Variants in NCOA6 observed in about 807,000 individuals in gnomAD.
The protein encoded by NCOA6 is NRC RAP250.
In NCOA6, 49 loss-of-function variants were observed where a neutral mutation model predicts 171.4. The observed-to-expected ratio is 0.29, with a 90% CI of 0.23 to 0.36. The LOEUF (loss-of-function observed/expected upper bound fraction) is 0.36, where lower values mean the gene tolerates loss of function less well. Ranked by LOEUF, NCOA6 falls within the 10% of genes least tolerant of loss-of-function variation. NCOA6 has a pLI of 1.00. For synonymous variants in NCOA6, 910 were observed against 927.5 expected (o/e 0.98, Z 0.34); for missense variants, 2,248 against 2,554.5 (o/e 0.88, Z 2.59).
intron 11 of NCOA6, among the ~76,000 whole-genome samples, chr20:34,737,780 C>CT (rs1176433855): frequency 6.6e-6 from 1 of 152,210 alleles, no homozygotes; most frequent in Non-Finnish European, 1.5e-5. Context: ...TCCCTCCCTG[C>CT]TTAGCAAAGC....
chr20:34,715,580 A>C (rs1417288813), intron 14 of NCOA6, among the ~76,000 whole-genome samples: 1 of 152,202 alleles, frequency 6.6e-6, no homozygotes. Flanking sequence ...GGAATGTGAC[A>C]GAGGTGGTGG....
chr20:34,792,776 A>ATTTTTTTTTTTT (rs35924752), intron 1 of NCOA6, among the ~76,000 whole-genome samples: 3 of 112,316 alleles, frequency 2.7e-5, no homozygotes, highest in Non-Finnish European at 3.5e-5. Context: ...ATCTTTTCTG[A>ATTTTTTTTTTTT]TTTTTTTTTT....
chr20:34,727,945 A>C (rs1478295683), intron 13 of NCOA6, among the ~76,000 whole-genome samples: 2 of 151,958 alleles, frequency 1.3e-5, no homozygotes, highest in Non-Finnish European at 2.9e-5. Context: ...GGATGGTCTT[A>C]AACTCCTGAC....
intron 4 of NCOA6, among the ~76,000 whole-genome samples, chr20:34,772,280 C>T (rs2077173134): frequency 6.6e-6 from 1 of 151,222 alleles, no homozygotes; most frequent in Admixed American, 6.6e-5. Flanking sequence ...TACCACTGCC[C>T]TCCAACCTAG....
chr20:34,722,329 C>G (rs1989474150), intron 14 of NCOA6, among the ~76,000 whole-genome samples: 1 of 151,054 alleles, frequency 6.6e-6, no homozygotes, highest in Non-Finnish European at 1.5e-5. Flanking sequence ...TGCAACGAGC[C>G]AAGATCACAC....
chr20:34,751,372 G>A (rs1440954676), intron 8 of NCOA6, among the ~76,000 whole-genome samples: 4 of 22,162 alleles, frequency 1.8e-4, no homozygotes, highest in South Asian at 7.2e-4. Context: ...GCAAGACTCC[G>A]TCTCAAAAAA....
At chr20:34,817,117 C>T (rs1304304351) in intron 1 of NCOA6, among the ~76,000 whole-genome samples, 1 of 109,264 alleles carries the variant, frequency 9.2e-6, no homozygotes, top group Non-Finnish European at 2.2e-5. Flanking sequence ...AGTGAGACTC[C>T]ATCACACACA....
intron 1 of NCOA6, among the ~76,000 whole-genome samples, chr20:34,802,971 C>T (rs953478893): frequency 3.3e-5 from 5 of 151,746 alleles, no homozygotes; most frequent in Non-Finnish European, 7.4e-5. Context: ...CCACCATGCC[C>T]GGCTAATTTT....
chr20:34,788,344 G>A (rs1311982089), intron 2 of NCOA6, among the ~76,000 whole-genome samples: 1 of 152,086 alleles, frequency 6.6e-6, no homozygotes, highest in Admixed American at 6.5e-5. Flanking sequence ...GATTACAGGC[G>A]TGAGCCATCG....
At chr20:34,748,927 T>C (rs756633487) in intron 9 of NCOA6, among the ~76,000 whole-genome samples, 1 of 152,196 alleles carries the variant, frequency 6.6e-6, no homozygotes, top group Non-Finnish European at 1.5e-5. Context: ...GGAGTTGCCA[T>C]ATGGTAGCAC....
At chr20:34,764,112 G>A (rs1305957637) in intron 5 of NCOA6, among the ~76,000 whole-genome samples, 4 of 146,818 alleles carry the variant, frequency 2.7e-5, no homozygotes, top group Admixed American at 6.9e-5. Flanking sequence ...TTTTGAGAGG[G>A]AGTCTTGCTA....
chr20:34,794,278 C>T (rs950227827), intron 1 of NCOA6, among the ~76,000 whole-genome samples: 1 of 152,116 alleles, frequency 6.6e-6, no homozygotes, highest in African/African-American at 2.4e-5. Context: ...GTCTGGGCAA[C>T]ACAGTGAAAC....
At chr20:34,722,505 C>T (rs2146958699) in intron 14 of NCOA6, among the ~76,000 whole-genome samples, 1 of 151,626 alleles carries the variant, frequency 6.6e-6, no homozygotes, top group African/African-American at 2.4e-5. Flanking sequence ...ACAGGGAGAC[C>T]CCATCTCTAC....
chr20:34,761,591 T>C (rs992100116), intron 5 of NCOA6, among the ~76,000 whole-genome samples: 1 of 152,198 alleles, frequency 6.6e-6, no homozygotes, highest in Non-Finnish European at 1.5e-5. Flanking sequence ...CTTGGTCAGT[T>C]TGTATAAATT....
chr20:34,778,559 C>G (rs1267477935), intron 3 of NCOA6, among the ~76,000 whole-genome samples: 2 of 151,686 alleles, frequency 1.3e-5, no homozygotes, highest in African/African-American at 4.8e-5. Context: ...TCCCGAGTAG[C>G]TGGGACTATA....
chr20:34,773,587 G>C (rs1043528637), intron 4 of NCOA6, among the ~76,000 whole-genome samples: 11 of 151,718 alleles, frequency 7.3e-5, no homozygotes, highest in Admixed American at 2.0e-4. Flanking sequence ...GCAGTGGCAT[G>C]ATCTCGGCTC....
chr20:34,822,207 T>TA (rs1483263039), intron 1 of NCOA6, among the ~76,000 whole-genome samples: 8 of 152,128 alleles, frequency 5.3e-5, no homozygotes, highest in Non-Finnish European at 1.2e-4. Flanking sequence ...TCCTAGAAAT[T>TA]AAACCTCCAC....
chr20:34,754,270 G>A (rs532053526), intron 8 of NCOA6, among the ~76,000 whole-genome samples: 1 of 152,196 alleles, frequency 6.6e-6, no homozygotes, highest in Non-Finnish European at 1.5e-5. Context: ...TTTACTACCT[G>A]AGCAAGCTCT....
intron 9 of NCOA6, among the ~76,000 whole-genome samples, chr20:34,749,187 T>C (rs2076394545): frequency 6.6e-6 from 1 of 152,170 alleles, no homozygotes; most frequent in African/African-American, 2.4e-5. Flanking sequence ...AGACACACAC[T>C]GAAATATTTA....
Sources: allele counts gnomAD v4.1 joint callset (sites outside exome capture counted in the v4.1 genomes callset), GRCh38; gene constraint gnomAD v4.1.1; transcripts MANE v1.5; gene names NCBI Gene and HGNC (gene_info 2026-07-23, HGNC 2026-07-21).